PIK3R6: variants seen among roughly 807,000 people sequenced by gnomAD.
PIK3R6 encodes the protein phosphoinositide 3-kinase regulatory subunit 6.
Under a neutral mutation model 84.9 loss-of-function variants are expected in PIK3R6, and 91 were observed. That is an observed-to-expected ratio of 1.07 (90% CI 0.90 to 1.28). PIK3R6 has a LOEUF of 1.28. Ranked by LOEUF, PIK3R6 falls within the 50% of genes most tolerant of loss-of-function variation. The probability of loss-of-function intolerance (pLI) is 0.00; values close to 1 mark genes in which losing one functional copy is unlikely to be tolerated. For synonymous variants in PIK3R6, 416 were observed against 411.4 expected, an observed-to-expected ratio of 1.01 and a Z score of -0.13; for missense variants, 996 against 985.1, an observed-to-expected ratio of 1.01 and a Z score of -0.15.
intron 1 of PIK3R6, among the ~76,000 whole-genome samples, chr17:8,858,156 G>C (rs1248151962): frequency 6.6e-6 from 1 of 152,202 alleles, no homozygotes; most frequent in Non-Finnish European, 1.5e-5. Context: ...GGATGAGCTT[G>C]CACGTAGACA....
chr17:8,821,402 G>A (rs946731185), intron 17 of PIK3R6, among the ~76,000 whole-genome samples: 77 of 151,600 alleles, frequency 5.1e-4, no homozygotes, highest in Admixed American at 4.8e-3. Flanking sequence ...TTCATAATCC[G>A]TATCGCCATC....
At chr17:8,822,738 G>T in intron 15 of PIK3R6, 81 bp from the exon 16 acceptor site, 1 of 1,403,802 alleles carries the variant, frequency 7.1e-7, no homozygotes, top group Non-Finnish European at 9.9e-7. Context: ...GAGGGCAGGA[G>T]CTGAGCTGCT....
chr17:8,828,099 G>C lies in PIK3R6; in HGVS notation c.1392+13C>G. The C allele has an allele frequency of 6.2e-7, 1 of 1,613,318 alleles. No individual in the cohort carries two copies. The highest frequency in any genetic ancestry group is 1.3e-5 in the African/African-American group (1 of 75,024). On this transcript the variant is annotated intron_variant, in intron 12 of 19. Transcript: ENST00000619866. ...GTCTCTGCCCCGCCACCGCCTCCCC[G>C]CGGTCCAGTCACCTCAGGCGCCAGC... is the stretch of plus-strand genomic sequence containing the variant.
intron 2 of PIK3R6, among the ~76,000 whole-genome samples, chr17:8,849,128 C>A (rs2088881221): frequency 6.6e-6 from 1 of 152,138 alleles, no homozygotes; most frequent in South Asian, 2.1e-4. Context: ...CTGGCTTTGC[C>A]ACTTACTAGC....
intron 9 of PIK3R6, among the ~76,000 whole-genome samples, chr17:8,830,207 A>G (rs908682985): frequency 6.6e-6 from 1 of 152,062 alleles, no homozygotes; most frequent in Non-Finnish European, 1.5e-5. Flanking sequence ...TGCTTCCAAT[A>G]TCTTGCATGC....
In PIK3R6 at chr17:8,857,380, C is replaced by G. The variant is rs1474653124; in HGVS notation, c.-91-7495G>C. On this transcript the variant is annotated intron_variant, in intron 1 of 19. Coordinates refer to ENST00000619866, the MANE Select transcript of PIK3R6 (RefSeq NM_001010855.4). ...ATAGAACCAGGGCTAGAGCCCAGAT[C>G]TCAACCTGGGGCGTGGGGTCATGGC... 4.6e-5 allele frequency among the ~76,000 whole-genome samples: 7 copies of G among 152,234 alleles called. No homozygotes were observed. In the East Asian group the frequency reaches 1.3e-3, roughly 29 times the overall value.
At chr17:8,817,254 T>C (rs566261874) in intron 18 of PIK3R6, among the ~76,000 whole-genome samples, 2 of 152,364 alleles carry the variant, frequency 1.3e-5, no homozygotes, top group East Asian at 3.9e-4. Context: ...ATGTTAATAG[T>C]CATTCTCTCC....
At chr17:8,832,592 G>GT (rs1244703315) in intron 9 of PIK3R6, among the ~76,000 whole-genome samples, 1 of 147,608 alleles carries the variant, frequency 6.8e-6, no homozygotes, top group African/African-American at 2.5e-5. Context: ...TACTTTAGTA[G>GT]AGGGTTTCCC....
chr17:8,814,349 A>G (rs2087459312), intron 18 of PIK3R6, among the ~76,000 whole-genome samples: 1 of 149,740 alleles, frequency 6.7e-6, no homozygotes, highest in African/African-American at 2.5e-5. Flanking sequence ...CCTCCCAAGT[A>G]GCTGGGATTA....
chr17:8,843,261 CTT>C (rs1394153588), intron 2 of PIK3R6, among the ~76,000 whole-genome samples: 2 of 152,132 alleles, frequency 1.3e-5, no homozygotes, highest in African/African-American at 4.8e-5. Flanking sequence ...GGTGCTAAGT[CTT>C]TTTTCTCTCT....
At chr17:8,827,136 C>T (rs777287603) in intron 13 of PIK3R6, 36 bp downstream of exon 13, 3 of 1,606,152 alleles carry the variant, frequency 1.9e-6, no homozygotes, top group South Asian at 1.1e-5. Context: ...CACTCCCGTC[C>T]CTCTCTCCCT....
rs956839459 is a variant in PIK3R6 at position 8,828,124 on chromosome 17, C to T, written c.1380G>A (p.Val460=). The change falls in exon 12 of 20, where the codon GTG becomes GTA. Residue 460 remains valine, a synonymous_variant. Coordinates refer to ENST00000619866, the MANE Select transcript of PIK3R6 (RefSeq NM_001010855.4). The part of the protein sequence containing the change: ...RLSLQLYYIP[V]LAPEKPAASR... ...GCGGTCCAGTCACCTCAGGCGCCAG[C>T]ACGGGGATGTAGTAGAGCTGCAGGC... is the stretch of plus-strand genomic sequence containing the variant. 6.2e-7 allele frequency: 1 copy of T among 1,613,944 alleles called. No homozygotes were observed. Among genetic ancestry groups the T allele is most frequent in the African/African-American group, 1.3e-5 (1 of 75,058 alleles).
At chr17:8,860,893 C>T (rs1394534270) in intron 1 of PIK3R6, among the ~76,000 whole-genome samples, 1 of 145,434 alleles carries the variant, frequency 6.9e-6, no homozygotes, top group Non-Finnish European at 1.5e-5. Flanking sequence ...TTTATGCTAC[C>T]TATTGGGCTC....
chr17:8,825,278 C>T (rs1246860026), intron 13 of PIK3R6, among the ~76,000 whole-genome samples: 1 of 152,042 alleles, frequency 6.6e-6, no homozygotes, highest in Admixed American at 6.6e-5. Context: ...AAATTTCAAT[C>T]GAAATCCAAT....
At chr17:8,812,201 A>G (rs2087378618) in intron 18 of PIK3R6, among the ~76,000 whole-genome samples, 2 of 152,312 alleles carry the variant, frequency 1.3e-5, no homozygotes, top group Middle Eastern at 3.4e-3. Flanking sequence ...TACCCCCATG[A>G]TTCAATTACC....
intron 18 of PIK3R6, among the ~76,000 whole-genome samples, chr17:8,815,471 A>T (rs2087501790): frequency 6.6e-6 from 1 of 151,018 alleles, no homozygotes; most frequent in Non-Finnish European, 1.5e-5. Context: ...TCACCACTGC[A>T]CTCCAACCTG....
intron 1 of PIK3R6, among the ~76,000 whole-genome samples, chr17:8,864,912 A>G (rs557814016): frequency 6.6e-6 from 1 of 152,316 alleles, no homozygotes; most frequent in Admixed American, 6.5e-5. Flanking sequence ...TTCAGAGAGC[A>G]TTCTTCCTTA....
chr17:8,852,158 A>G (rs1468691768), intron 1 of PIK3R6, among the ~76,000 whole-genome samples: 1 of 152,224 alleles, frequency 6.6e-6, no homozygotes, highest in Non-Finnish European at 1.5e-5. Flanking sequence ...TTTAATGGGT[A>G]CAGAGTCTCT....
Position 8,803,047 on chromosome 17 carries a change from G to T in PIK3R6, c.*226C>A. ...ATGAGAAGCTGGGCTTGGTGTGTAT[G>T]TTCTCAAGCAGCGACAGCATTGCCT... On this transcript the variant is annotated 3_prime_UTR_variant, in exon 20 of 20. Coordinates refer to ENST00000619866, the MANE Select transcript of PIK3R6 (RefSeq NM_001010855.4). This position sits in a 1 kb window ranked among gnomAD's most constrained non-coding sequence, Gnocchi z 5.0. 1.8e-6 allele frequency: 1 copy of T among 559,616 alleles called. No individual in the cohort carries two copies. The highest frequency in any genetic ancestry group is 3.2e-6 in the Non-Finnish European group (1 of 315,566). 34.7% of individuals were successfully genotyped at this position (559,616 alleles called of 1,614,324 possible). A position where few individuals can be genotyped will look rare whatever the true frequency, so the allele number is the denominator to read the frequency against.
Sources: gnomAD v4.1 joint callset for allele counts (sites outside exome capture counted in the v4.1 genomes callset) on GRCh38, gnomAD v4.1.1 for gene constraint, Gnocchi (gnomAD v3.1) non-coding constraint, MANE v1.5 for transcripts, NCBI Gene and HGNC (gene_info 2026-07-23, HGNC 2026-07-21) for gene names.